FHIT: variants seen among roughly 807,000 people sequenced by gnomAD.
FHIT encodes the protein bis(5'-adenosyl)-triphosphatase.
Under a neutral mutation model 17.9 loss-of-function variants are expected in FHIT, and 19 were observed. The ratio of observed to expected loss-of-function variants is 1.06; its 90% CI spans 0.74 to 1.56. FHIT has a LOEUF of 1.56. Ranked by LOEUF, FHIT falls within the 40% of genes most tolerant of loss-of-function variation. The pLI, the probability that FHIT is intolerant of heterozygous loss-of-function variation, is 0.00. For missense variants in FHIT, 248 were observed against 189.2 expected, an observed-to-expected ratio of 1.31 and a Z score of -1.82; for synonymous variants, 81 against 69.7, an observed-to-expected ratio of 1.16 and a Z score of -0.81.
intron 5 of FHIT, among the ~76,000 whole-genome samples, chr3:60,357,278 G>A (rs1253812382): frequency 1.3e-5 from 2 of 152,014 alleles, no homozygotes; most frequent in Admixed American, 6.6e-5. Context: ...CATAATCTTG[G>A]CTCACTGCAA....
intron 4 of FHIT, among the ~76,000 whole-genome samples, chr3:60,722,886 C>T (rs2041839818): frequency 6.6e-6 from 1 of 151,834 alleles, no homozygotes; most frequent in South Asian, 2.1e-4. Context: ...CCACATCCAG[C>T]GAATTTTTTG....
At chr3:60,122,963 G>C (rs1179478630) in intron 5 of FHIT, among the ~76,000 whole-genome samples, 1 of 152,192 alleles carries the variant, frequency 6.6e-6, no homozygotes, top group Non-Finnish European at 1.5e-5. Context: ...TTCTAGTGCT[G>C]AGCACAGAGC....
intron 3 of FHIT, among the ~76,000 whole-genome samples, chr3:61,014,505 C>T (rs1024944600): frequency 1.1e-4 from 16 of 151,756 alleles, no homozygotes; most frequent in South Asian, 6.2e-4. Flanking sequence ...TCCGGCTGGG[C>T]GCAGTGGCTC....
intron 2 of FHIT, among the ~76,000 whole-genome samples, chr3:61,042,860 A>AC (rs1239114601): frequency 3.3e-5 from 5 of 151,840 alleles, no homozygotes; most frequent in African/African-American, 4.8e-5. Flanking sequence ...AAAATTAAAC[A>AC]CTTTTTTTTA....
chr3:59,928,772 G>A (rs945890893), intron 7 of FHIT, among the ~76,000 whole-genome samples: 3 of 152,070 alleles, frequency 2.0e-5, no homozygotes, highest in Admixed American at 6.6e-5. Context: ...CAAGGCGGGT[G>A]GATCACAAGG....
At chr3:60,658,678 G>A (rs2040171593) in intron 4 of FHIT, among the ~76,000 whole-genome samples, 1 of 151,944 alleles carries the variant, frequency 6.6e-6, no homozygotes, top group African/African-American at 2.4e-5. Context: ...CTCAAATTAT[G>A]TAGAAAACAA....
At chr3:60,859,499 G>C (rs1230341187) in intron 3 of FHIT, among the ~76,000 whole-genome samples, 1 of 151,932 alleles carries the variant, frequency 6.6e-6, no homozygotes, top group Non-Finnish European at 1.5e-5. Flanking sequence ...AAATGACTGA[G>C]TTCCGATCAA....
At chr3:60,101,449 G>A (rs1444986389) in intron 5 of FHIT, among the ~76,000 whole-genome samples, 1 of 152,184 alleles carries the variant, frequency 6.6e-6, no homozygotes, top group African/African-American at 2.4e-5. Flanking sequence ...TTTCAGCTAA[G>A]TGTCACCTTC....
intron 8 of FHIT, among the ~76,000 whole-genome samples, chr3:59,892,106 G>C (rs1405326539): frequency 1.3e-5 from 2 of 152,142 alleles, no homozygotes; most frequent in African/African-American, 2.4e-5. Flanking sequence ...TTACCTAAAG[G>C]CTCTGTCTAA....
intron 2 of FHIT, among the ~76,000 whole-genome samples, chr3:61,102,798 A>C (rs1180810004): frequency 5.3e-5 from 8 of 152,202 alleles, no homozygotes; most frequent in Admixed American, 5.2e-4. Context: ...GTATGTGTCC[A>C]GGAATTTATC....
Position 60,598,552 on chromosome 3 carries a change from A to G in FHIT, c.-17-61573T>C, listed in dbSNP as rs190394880. On this transcript the variant is annotated intron_variant, in intron 4 of 9. Transcript: ENST00000492590. ...TGCAAGAGCAAAGAAAAGCAACTGC[A>G]TTTTAAAAGTTTAATTAGAAGTAAA... is the stretch of plus-strand genomic sequence containing the variant. Among the ~76,000 whole-genome samples the G allele has an allele frequency of 1.3e-4, 20 of 152,324 alleles. No homozygotes were observed. In the East Asian group the frequency reaches 3.9e-3, roughly 29 times the overall value.
At position 60,544,622 on chromosome 3, in the gene FHIT, G is replaced by A. The variant is rs536878140; in HGVS notation, c.-17-7643C>T. On this transcript the variant is annotated intron_variant, in intron 4 of 9. Transcript: ENST00000492590. ...TTTTTTTTTTTTTTTTTTTGAGACA[G>A]AGTCTCACTCTGTTTTCCAGGCTGG... Among the ~76,000 whole-genome samples, 5 of 112,760 alleles carry A rather than the reference G, an allele frequency of 4.4e-5. No individual in the cohort carries two copies. The East Asian group carries it at 8.0e-4, about 18-fold the overall frequency. 74.0% of individuals were successfully genotyped at this position (112,760 alleles called of 152,430 possible).
chr3:60,632,682 G>C (rs1553682734), intron 4 of FHIT, among the ~76,000 whole-genome samples: 1 of 152,076 alleles, frequency 6.6e-6, no homozygotes, highest in Non-Finnish European at 1.5e-5. Context: ...AAAATCATGG[G>C]AAGGACATAC....
rs144225235 is a variant in FHIT, at chr3:60,573,113, T to G, written c.-17-36134A>C. Among the ~76,000 whole-genome samples the G allele has an allele frequency of 2.3e-3, 352 of 152,298 alleles. 1 individual carries two copies. Among genetic ancestry groups the G allele is most frequent in the African/African-American group, 8.2e-3 (340 of 41,560 alleles). On this transcript the variant is annotated intron_variant, in intron 4 of 9. Coordinates refer to ENST00000492590, the MANE Select transcript of FHIT (RefSeq NM_002012.4). The stretch of plus-strand genomic sequence containing the variant: ...GTTTAGACTCTTCACCAGAACTGCT[T>G]GGCTTTTTGCTAGAAAGCCTGGGGT...
chr3:60,248,565 C>T (rs1018478768), intron 5 of FHIT, among the ~76,000 whole-genome samples: 3 of 152,078 alleles, frequency 2.0e-5, no homozygotes, highest in Non-Finnish European at 4.4e-5. Context: ...AAGTACTGAA[C>T]TTTTAAAATC....
At chr3:60,368,535 T>C (rs942339938) in intron 5 of FHIT, among the ~76,000 whole-genome samples, 1 of 151,022 alleles carries the variant, frequency 6.6e-6, no homozygotes, top group Non-Finnish European at 1.5e-5. Context: ...GAAATATATA[T>C]ACATATATAC....
At chr3:60,563,234 G>C (rs1441088742) in intron 4 of FHIT, among the ~76,000 whole-genome samples, 4 of 152,142 alleles carry the variant, frequency 2.6e-5, no homozygotes, top group Non-Finnish European at 2.9e-5. Context: ...TTCTGGATAT[G>C]TCTTGGGAGA....
intron 5 of FHIT, among the ~76,000 whole-genome samples, chr3:60,133,283 C>A (rs1205596526): frequency 6.6e-6 from 1 of 152,120 alleles, no homozygotes; most frequent in African/African-American, 2.4e-5. Flanking sequence ...CTTTCTCTAC[C>A]CCCACAAACT....
At chr3:60,336,099 A>C (rs1388782779) in intron 5 of FHIT, among the ~76,000 whole-genome samples, 1 of 152,214 alleles carries the variant, frequency 6.6e-6, no homozygotes, top group Non-Finnish European at 1.5e-5. Context: ...TTCAATCATG[A>C]AAGAAAACTA....
Sources: gnomAD v4.1 joint callset for allele counts (sites outside exome capture counted in the v4.1 genomes callset) on GRCh38, gnomAD v4.1.1 for gene constraint, MANE v1.5 for transcripts, NCBI Gene and HGNC (gene_info 2026-07-23, HGNC 2026-07-21) for gene names.